Variants in FAM185A observed in about 807,000 individuals in gnomAD.
FAM185A encodes the protein protein FAM185A.
In FAM185A, 21 loss-of-function variants were observed where a neutral mutation model predicts 45.7. The observed-to-expected ratio is 0.46, with a 90% CI of 0.33 to 0.66. The LOEUF (loss-of-function observed/expected upper bound fraction) is 0.66, where lower values mean the gene tolerates loss of function less well. Among genes scored for constraint, FAM185A ranks in the 30% least tolerant of loss-of-function variants. The pLI is 0.03. For synonymous variants in FAM185A, 117 were observed against 194.0 expected (o/e 0.60, Z 3.30); for missense variants, 305 against 485.4 (o/e 0.63, Z 3.49).
chr7:102,849,472 C>T, the FAM185A span, among the ~76,000 whole-genome samples: 1 of 152,110 alleles, frequency 6.6e-6, no homozygotes, highest in African/African-American at 2.4e-5. Context: ...ATTCATTTTT[C>T]TCATTAAGCG....
At chr7:102,834,473 A>ATATATATATATATGTGTG in the FAM185A span, 1 of 141,542 alleles carries the variant, frequency 7.1e-6, no homozygotes, top group East Asian at 2.0e-4. Context: ...ATATATATAT[A>ATATATATATATATGTGTG]TGTGATGTGG....
chr7:102,782,400 G>A (rs1419377383), intron 6 of FAM185A, among the ~76,000 whole-genome samples: 2 of 152,282 alleles, frequency 1.3e-5, no homozygotes, highest in South Asian at 4.1e-4. Flanking sequence ...CAGCCAGAGA[G>A]AAAGGTCGGG....
At chr7:102,772,000 C>A (rs1794770139) in intron 4 of FAM185A, among the ~76,000 whole-genome samples, 1 of 148,224 alleles carries the variant, frequency 6.7e-6, no homozygotes, top group Non-Finnish European at 1.5e-5. Flanking sequence ...AAAAGTAATT[C>A]TTTTTTTCCA....
At chr7:102,801,259 T>C (rs1015834303) in intron 7 of FAM185A, among the ~76,000 whole-genome samples, 1 of 151,278 alleles carries the variant, frequency 6.6e-6, no homozygotes, top group Non-Finnish European at 1.5e-5. Flanking sequence ...TGGAAACACA[T>C]CAAAACAGAA....
rs1215902210 is a variant in FAM185A at position 102,809,195 on chromosome 7, A to G, written c.*793A>G. ...CTTTTATGGCATCAATGTAAATTTAAGCTGTAAATAAAAAACAAATATGTG... is the reference window on the plus strand; with the variant it reads ...CTTTTATGGCATCAATGTAAATTTAGGCTGTAAATAAAAAACAAATATGTG... On this transcript the variant is annotated 3_prime_UTR_variant, in exon 8 of 8. Transcript: ENST00000413034. 6.6e-6 allele frequency: 1 copy of G among 152,236 alleles called. No homozygotes were observed. Among genetic ancestry groups the G allele is most frequent in the African/African-American group, 2.4e-5 (1 of 41,452 alleles). The allele number at this position is 152,236 out of a possible 1,614,324, so 9.4% of individuals were successfully genotyped here. A position where few individuals can be genotyped will look rare whatever the true frequency, so the allele number is the denominator to read the frequency against.
chr7:102,750,279 G>A (rs1793283070), intron 1 of FAM185A, among the ~76,000 whole-genome samples: 2 of 152,210 alleles, frequency 1.3e-5, no homozygotes, highest in Non-Finnish European at 2.9e-5. Context: ...AAGCCACTGT[G>A]TACACACACT....
At chr7:102,774,480 G>C (rs1322136588) in intron 5 of FAM185A, among the ~76,000 whole-genome samples, 1 of 151,688 alleles carries the variant, frequency 6.6e-6, no homozygotes, top group African/African-American at 2.4e-5. Flanking sequence ...GTAGTGATGA[G>C]AGTGTGATTC....
chr7:102,813,004 G>A (rs928640219), downstream of FAM185A, among the ~76,000 whole-genome samples: 6 of 151,718 alleles, frequency 4.0e-5, no homozygotes, highest in Non-Finnish European at 7.4e-5. Flanking sequence ...CACCACACCC[G>A]GCTAATTTTT....
rs1240977123 is a variant in FAM185A, at chr7:102,761,356, A to G, written c.738A>G (p.Thr246=). The part of the protein sequence containing the change: ...DGLLKAKYLY[T]ESSFLSSAAG... ...TGCTGAAAGCCAAGTATCTTTATAC[A>G]GAATCATCATTTCTGTCTTCTGCTG... is the stretch of plus-strand genomic sequence containing the variant. Residue 246 remains threonine, a synonymous_variant, in exon 4 of 8, where the codon ACA becomes ACG. Transcript: ENST00000413034. The G allele has an allele frequency of 7.8e-6, 12 of 1,545,108 alleles. No homozygotes were observed. The highest frequency in any genetic ancestry group is 1.0e-5 in the Non-Finnish European group (12 of 1,144,474).
the FAM185A span, among the ~76,000 whole-genome samples, chr7:102,819,408 T>C: frequency 6.6e-6 from 1 of 152,068 alleles, no homozygotes; most frequent in Non-Finnish European, 1.5e-5. Flanking sequence ...TGCAGGAAAC[T>C]CTCCTGCAAA....
At chr7:102,844,514 C>T in the FAM185A span, among the ~76,000 whole-genome samples, 14 of 152,208 alleles carry the variant, frequency 9.2e-5, no homozygotes, top group Admixed American at 2.0e-4. Flanking sequence ...AAAAGACTGT[C>T]GTAAGAGTGG....
intron 3 of FAM185A, among the ~76,000 whole-genome samples, chr7:102,759,346 T>C (rs1793971660): frequency 6.6e-6 from 1 of 152,268 alleles, no homozygotes; most frequent in African/African-American, 2.4e-5. Flanking sequence ...TATGGTTTAT[T>C]GAATATTCAT....
intron 3 of FAM185A, among the ~76,000 whole-genome samples, chr7:102,759,371 A>G (rs568972391): frequency 7.9e-5 from 12 of 152,190 alleles, no homozygotes; most frequent in African/African-American, 2.6e-4. Context: ...TTTACTTGCT[A>G]TTATACAATT....
the FAM185A span, among the ~76,000 whole-genome samples, chr7:102,831,432 C>A: frequency 6.9e-6 from 1 of 145,700 alleles, no homozygotes; most frequent in South Asian, 2.1e-4. Context: ...CACACACACA[C>A]CCCACTACAG....
intron 2 of FAM185A, among the ~76,000 whole-genome samples, chr7:102,756,647 ACT>A (rs1793761663): frequency 6.6e-6 from 1 of 151,470 alleles, no homozygotes; most frequent in Non-Finnish European, 1.5e-5. Context: ...ACAGAGCGAG[ACT>A]CTGTCTAAAA....
chr7:102,839,897 C>G, the FAM185A span, among the ~76,000 whole-genome samples: 1 of 151,948 alleles, frequency 6.6e-6, no homozygotes, highest in East Asian at 1.9e-4. Flanking sequence ...ATTTCTAGAA[C>G]TTTCAATATT....
the FAM185A span, among the ~76,000 whole-genome samples, chr7:102,823,431 AC>A: frequency 6.6e-6 from 1 of 152,322 alleles, no homozygotes; most frequent in South Asian, 2.1e-4. Context: ...AGTAGGTGAG[AC>A]AGATGTTTGG....
chr7:102,763,431 C>T (rs554804702), intron 4 of FAM185A, among the ~76,000 whole-genome samples: 2 of 152,226 alleles, frequency 1.3e-5, no homozygotes, highest in Admixed American at 6.5e-5. Context: ...TTGAGCACAG[C>T]GAATTTACTA....
rs147388695 is a variant in FAM185A, at chr7:102,779,291, G to C, written c.931+1943G>C. 8.4e-3 allele frequency among the ~76,000 whole-genome samples: 1,277 copies of C among 152,270 alleles called. 23 individuals carry two copies. Among genetic ancestry groups the C allele is most frequent in the African/African-American group, 0.029 (1,220 of 41,540 alleles). ...GATGGGACATTAGGAAGGTTTTCAA[G>C]TCATGAAAATTCTTCATTCACAAAC... is the stretch of plus-strand genomic sequence containing the variant. On this transcript the variant is annotated intron_variant, in intron 6 of 7. Transcript: ENST00000413034.
Sources: allele counts gnomAD v4.1 joint callset (sites outside exome capture counted in the v4.1 genomes callset), GRCh38; gene constraint gnomAD v4.1.1; transcripts MANE v1.5; gene names NCBI Gene and HGNC (gene_info 2026-07-23, HGNC 2026-07-21).